E2F5: variants seen among roughly 807,000 people sequenced by gnomAD.
E2F5 encodes E2F transcription factor 5.
E2F5 carries 23 observed loss-of-function variants against 39.1 expected under a neutral mutation model. That is an observed-to-expected ratio of 0.59 (90% CI 0.42 to 0.83). The LOEUF is 0.83. E2F5 is among the 40% of genes least tolerant of loss of function. The pLI is 0.00. For missense variants in E2F5, 365 were observed against 406.7 expected, an observed-to-expected ratio of 0.90 and a Z score of 0.88; for synonymous variants, 145 against 157.8, an observed-to-expected ratio of 0.92 and a Z score of 0.61.
chr8:85,199,013 C>G (rs1812638224), intron 1 of E2F5, among the ~76,000 whole-genome samples: 1 of 152,126 alleles, frequency 6.6e-6, no homozygotes, highest in Admixed American at 6.5e-5. Flanking sequence ...TAGGGACCTG[C>G]TGCTTGCCAT....
chr8:85,213,752 G>T lies in E2F5; in HGVS notation c.932-1G>T. On this transcript the variant is annotated splice_acceptor_variant, in intron 7 of 7. Transcript: ENST00000416274. LOFTEE classifies it high-confidence loss of function. Reference sequence around the variant, plus strand: ...ACACTAAATTTGTTTTTTGTTCGCAGTGTTTCCTCTCTTAAGGCTTTCTCC... The same window carrying T: ...ACACTAAATTTGTTTTTTGTTCGCATTGTTTCCTCTCTTAAGGCTTTCTCC... 2 of 1,588,570 alleles carry T rather than the reference G, an allele frequency of 1.3e-6. No individual in the cohort carries two copies. Among genetic ancestry groups the T allele is most frequent in the Non-Finnish European group, 1.7e-6 (2 of 1,160,172 alleles).
At chr8:85,190,676 G>T (rs1246537166) in intron 1 of E2F5, among the ~76,000 whole-genome samples, 1 of 151,436 alleles carries the variant, frequency 6.6e-6, no homozygotes, top group Non-Finnish European at 1.5e-5. Flanking sequence ...GGTAATTTTT[G>T]TATTTTTAGT....
chr8:85,204,007 A>G (rs921418850), intron 3 of E2F5, among the ~76,000 whole-genome samples: 4 of 151,926 alleles, frequency 2.6e-5, no homozygotes, highest in Non-Finnish European at 5.9e-5. Flanking sequence ...GTAGCACCTC[A>G]TGAAATTTTG....
At chr8:85,178,033 C>T (rs989283688) in intron 1 of E2F5, 6 of 155,182 alleles carry the variant, frequency 3.9e-5, no homozygotes, top group African/African-American at 1.4e-4. Context: ...GCGCTTTGCC[C>T]GGAGACACCG....
At position 85,209,224 on chromosome 8, in the gene E2F5, C is replaced by G. The variant is rs1359761480; in HGVS notation, c.698C>G (p.Ser233Trp). 6.2e-7 allele frequency: 1 copy of G among 1,613,942 alleles called. No homozygotes were observed. The highest frequency in any genetic ancestry group is 8.5e-7 in the Non-Finnish European group (1 of 1,179,894). ...CATGTGCTGCTTATAAATAAAGAGTCGAGTTCATCTAAGCCCGTGGTTTTT... is the reference window on the plus strand; with the variant it reads ...CATGTGCTGCTTATAAATAAAGAGTGGAGTTCATCTAAGCCCGTGGTTTTT... ...PIHVLLINKE[S>W]SSSKPVVFPV... Residue 233 changes from serine (S) to tryptophan (W), a missense_variant, in exon 6 of 8, where the codon TCG becomes TGG. Physicochemically the swap from Ser to Trp is radical, Grantham distance 177. Transcript: ENST00000416274.
chr8:85,202,730 A>C (rs752051603), intron 2 of E2F5, among the ~76,000 whole-genome samples: 16 of 152,148 alleles, frequency 1.1e-4, no homozygotes, highest in Non-Finnish European at 2.9e-5. Context: ...CCAAAATTCC[A>C]CCAAAACATT....
At chr8:85,186,412 G>A (rs556262204) in intron 1 of E2F5, among the ~76,000 whole-genome samples, 8 of 151,864 alleles carry the variant, frequency 5.3e-5, no homozygotes, top group Admixed American at 2.6e-4. Context: ...TGTGGGTGAC[G>A]AGTTGATGGT....
chr8:85,213,216 T>C (rs1812981697), intron 7 of E2F5: 1 of 151,986 alleles, frequency 6.6e-6, no homozygotes, highest in South Asian at 2.1e-4. Context: ...GCCTTTTAGT[T>C]ATATTACCTT....
chr8:85,177,302 C>G lies in E2F5; in HGVS notation c.-119C>G. 1 of 848,636 alleles carries G rather than the reference C, an allele frequency of 1.2e-6. No individual in the cohort carries two copies. Among genetic ancestry groups the G allele is most frequent in the Non-Finnish European group, 1.4e-6 (1 of 705,014 alleles). 52.6% of individuals were successfully genotyped at this position (848,636 alleles called of 1,614,324 possible). On this transcript the variant is annotated 5_prime_UTR_variant, in exon 1 of 8. Coordinates refer to ENST00000416274, the MANE Select transcript of E2F5 (RefSeq NM_001951.4). ...GTTGTTTGCAGCAGCCAGCGACCCG[C>G]ACTACCGCTCTCGGCGGGCGGGGAA...
intron 1 of E2F5, among the ~76,000 whole-genome samples, chr8:85,185,748 A>G (rs1812318630): frequency 1.3e-5 from 2 of 152,244 alleles, no homozygotes; most frequent in South Asian, 2.1e-4. Flanking sequence ...GCCAACAAAC[A>G]TATGAAAAAA....
intron 1 of E2F5, among the ~76,000 whole-genome samples, chr8:85,201,148 C>G (rs551112595): frequency 6.6e-6 from 1 of 152,324 alleles, no homozygotes; most frequent in South Asian, 2.1e-4. Context: ...ATTGCAAACA[C>G]TGTGCTGAGC....
intron 1 of E2F5, among the ~76,000 whole-genome samples, chr8:85,186,604 TA>T (rs1812340788): frequency 6.8e-6 from 1 of 148,008 alleles, no homozygotes; most frequent in African/African-American, 2.5e-5. Context: ...ATATAAAGTA[TA>T]TATGGTATAT....
chr8:85,197,107 C>T (rs906878874), intron 1 of E2F5, among the ~76,000 whole-genome samples: 1 of 152,132 alleles, frequency 6.6e-6, no homozygotes, highest in South Asian at 2.1e-4. Context: ...TTTTGGGATT[C>T]TGGCCTGCTT....
chr8:85,186,644 GGTATATATGGT>G (rs890023208), intron 1 of E2F5, among the ~76,000 whole-genome samples: 4 of 143,314 alleles, frequency 2.8e-5, no homozygotes, highest in African/African-American at 1.1e-4. Context: ...ATATATGTAA[GGTATATATGGT>G]GTATATATGG....
chr8:85,209,441 A>C (rs1207743092), intron 6 of E2F5, 32 bp downstream of exon 6: 15 of 1,552,146 alleles, frequency 9.7e-6, no homozygotes, highest in Non-Finnish European at 1.2e-5. Flanking sequence ...TGTAAATTAG[A>C]GAGGGAGAAA....
chr8:85,186,689 A>G (rs538349217), intron 1 of E2F5, among the ~76,000 whole-genome samples: 1 of 147,236 alleles, frequency 6.8e-6, no homozygotes, highest in Non-Finnish European at 1.5e-5. Flanking sequence ...TATATATGGT[A>G]TATATATGGT....
At chr8:85,212,268 A>C (rs1419740641) in intron 7 of E2F5, 64 bp downstream of exon 7, 13 of 1,197,620 alleles carry the variant, frequency 1.1e-5, no homozygotes, top group African/African-American at 1.5e-5. Context: ...TTATAAGTGA[A>C]ACATGATTTA....
chr8:85,210,892 G>T (rs1587502133), intron 6 of E2F5, among the ~76,000 whole-genome samples: 1 of 152,218 alleles, frequency 6.6e-6, no homozygotes, highest in East Asian at 1.9e-4. Flanking sequence ...CATTAGAGCA[G>T]GCCTTGAATT....
intron 3 of E2F5, among the ~76,000 whole-genome samples, chr8:85,204,473 A>G (rs1812759551): frequency 6.9e-6 from 1 of 143,958 alleles, no homozygotes; most frequent in Non-Finnish European, 1.5e-5. Context: ...GTTCTCACTC[A>G]TAGGTGGGAA....
Sources: allele counts gnomAD v4.1 joint callset (sites outside exome capture counted in the v4.1 genomes callset), GRCh38; gene constraint gnomAD v4.1.1; transcripts MANE v1.5; gene names NCBI Gene and HGNC (gene_info 2026-07-23, HGNC 2026-07-21).